Variants in RABL3 observed in about 807,000 individuals in gnomAD.
RABL3 encodes rab-like protein 3.
In RABL3, 31 loss-of-function variants were observed where a neutral mutation model predicts 31.8. That is an observed-to-expected ratio of 0.97 (90% CI 0.73 to 1.31). RABL3 has a LOEUF of 1.31. Among genes scored for constraint, RABL3 ranks in the 40% most tolerant of loss-of-function variants. The pLI is 0.00. For synonymous variants in RABL3, 97 were observed against 99.9 expected (o/e 0.97, Z 0.18); for missense variants, 263 against 279.6 (o/e 0.94, Z 0.42).
chr3:120,710,128 G>A (rs534090752), intron 2 of RABL3, among the ~76,000 whole-genome samples: 10 of 151,770 alleles, frequency 6.6e-5, no homozygotes, highest in South Asian at 2.1e-4. Context: ...TTCCACTTCC[G>A]AAGCCTCACC....
rs146987712 is a variant in RABL3, at chr3:120,742,480, G to T, written c.28C>A (p.Leu10Met). MASLDRVKVLVLGDSGVGKS... is the reference protein window; with the variant it reads MASLDRVKVMVLGDSGVGKS... ...CGCTCACCTGAGTCTCCCAACACCAGTACCTTCACCCGATCCAGGGACGCC... is the reference window on the plus strand; with the variant it reads ...CGCTCACCTGAGTCTCCCAACACCATTACCTTCACCCGATCCAGGGACGCC... The change falls in exon 1 of 8, where the codon CTG becomes ATG. Residue 10 changes from leucine to methionine, a missense_variant. Transcript: ENST00000273375. 1 of 1,614,174 alleles carries T rather than the reference G, an allele frequency of 6.2e-7. No individual in the cohort carries two copies.
chr3:120,719,940 G>C (rs1708717342), intron 2 of RABL3, among the ~76,000 whole-genome samples: 1 of 152,192 alleles, frequency 6.6e-6, no homozygotes, highest in Admixed American at 6.5e-5. Context: ...CCCCCCAGTA[G>C]GGGCAGACTG....
In RABL3 at chr3:120,730,715, C is replaced by T; in HGVS notation, c.119G>A (p.Gly40Asp). 2 of 1,613,104 alleles carry T rather than the reference C, an allele frequency of 1.2e-6. No individual in the cohort carries two copies. Among genetic ancestry groups the T allele is most frequent in the Non-Finnish European group, 8.5e-7 (1 of 1,179,240 alleles). Residue 40 changes from glycine (G) to aspartate (D), a missense_variant, in exon 2 of 8, where the codon GGC becomes GAC. Physicochemically the swap from Gly to Asp is moderately conservative, Grantham distance 94. Coordinates refer to ENST00000273375, the MANE Select transcript of RABL3 (RefSeq NM_173825.5). ...QVLGNPSWTV[G>D]CSVDVRVHDY... ...ACATACTCTGACATCCACTGAGCAG[C>T]CCACAGTCCATGATGGATTTCCCAG...
chr3:120,722,864 A>G (rs1216060481), intron 2 of RABL3, among the ~76,000 whole-genome samples: 3 of 152,148 alleles, frequency 2.0e-5, no homozygotes, highest in Non-Finnish European at 1.5e-5. Context: ...TAAAATTGAC[A>G]CCCTAACATC....
chr3:120,740,325 G>A (rs1709025920), intron 1 of RABL3, among the ~76,000 whole-genome samples: 1 of 152,056 alleles, frequency 6.6e-6, no homozygotes, highest in African/African-American at 2.4e-5. Context: ...GCAGTGGCAC[G>A]ATCCTAGCTC....
intron 2 of RABL3, among the ~76,000 whole-genome samples, chr3:120,720,194 T>A (rs1416754951): frequency 6.6e-6 from 1 of 152,082 alleles, no homozygotes; most frequent in South Asian, 2.1e-4. Flanking sequence ...TACATCACCA[T>A]CATCAAAGAC....
chr3:120,728,242 T>C (rs990907674), intron 2 of RABL3, among the ~76,000 whole-genome samples: 4 of 152,178 alleles, frequency 2.6e-5, no homozygotes, highest in African/African-American at 9.7e-5. Context: ...GACTAGACCA[T>C]AACTTCCCAT....
intron 4 of RABL3, among the ~76,000 whole-genome samples, chr3:120,700,544 C>T (rs1030794092): frequency 6.6e-6 from 1 of 151,882 alleles, no homozygotes; most frequent in African/African-American, 2.4e-5. Context: ...TATTTAGATA[C>T]TATTTCGAAA....
intron 2 of RABL3, among the ~76,000 whole-genome samples, chr3:120,726,050 C>T (rs929599252): frequency 4.6e-5 from 7 of 152,090 alleles, no homozygotes; most frequent in African/African-American, 1.2e-4. Context: ...AACTTGGGCT[C>T]GGGTGATCCT....
At chr3:120,726,421 T>A (rs1430476437) in intron 2 of RABL3, among the ~76,000 whole-genome samples, 1 of 152,040 alleles carries the variant, frequency 6.6e-6, no homozygotes, top group East Asian at 1.9e-4. Flanking sequence ...GCCTAGGAGT[T>A]GGAGACTAGG....
intron 2 of RABL3, among the ~76,000 whole-genome samples, chr3:120,717,038 A>G (rs1708678708): frequency 6.6e-6 from 1 of 152,164 alleles, no homozygotes; most frequent in African/African-American, 2.4e-5. Flanking sequence ...GGATCACCTG[A>G]GGTCAGGAGT....
At chr3:120,705,716 A>T (rs1236383433) in intron 4 of RABL3, among the ~76,000 whole-genome samples, 1 of 152,222 alleles carries the variant, frequency 6.6e-6, no homozygotes, top group African/African-American at 2.4e-5. Context: ...GTAAAACCAT[A>T]AAATCTGTAG....
At chr3:120,735,895 CTG>C (rs1357598493) in intron 1 of RABL3, among the ~76,000 whole-genome samples, 1 of 152,194 alleles carries the variant, frequency 6.6e-6, no homozygotes, top group Admixed American at 6.5e-5. Flanking sequence ...TTTGACAGCA[CTG>C]TGGTCTGAGA....
At chr3:120,693,269 T>C (rs1708400895) in intron 6 of RABL3, among the ~76,000 whole-genome samples, 1 of 152,086 alleles carries the variant, frequency 6.6e-6, no homozygotes, top group Admixed American at 6.5e-5. Context: ...CTAGTGCTGA[T>C]AAAAAGGCCA....
chr3:120,699,130 T>C (rs549494458), intron 4 of RABL3, among the ~76,000 whole-genome samples: 1 of 152,032 alleles, frequency 6.6e-6, no homozygotes, highest in Admixed American at 6.5e-5. Flanking sequence ...AAAATAGAAA[T>C]AGGGAAGCTG....
chr3:120,686,773 G>A lies in RABL3; in HGVS notation c.*3050C>T, dbSNP rs768731280. 8 of 152,190 alleles carry A rather than the reference G, an allele frequency of 5.3e-5. No homozygotes were observed. The highest frequency in any genetic ancestry group is 7.3e-5 in the Non-Finnish European group (5 of 68,030). The allele number at this position is 152,190 out of a possible 1,614,324, so 9.4% of individuals were successfully genotyped here. A position where few individuals can be genotyped will look rare whatever the true frequency, so the allele number is the denominator to read the frequency against. ...ACAAAAAAGAAATAGGAAAACTTGT[G>A]TATTTTTATGTACAGTCTTATGCAG... is the stretch of plus-strand genomic sequence containing the variant. On this transcript the variant is annotated 3_prime_UTR_variant, in exon 8 of 8. Coordinates refer to ENST00000273375, the MANE Select transcript of RABL3 (RefSeq NM_173825.5).
chr3:120,733,475 G>A (rs933520404), intron 1 of RABL3, among the ~76,000 whole-genome samples: 4 of 152,060 alleles, frequency 2.6e-5, no homozygotes, highest in African/African-American at 9.7e-5. Flanking sequence ...TGTCAGATGA[G>A]TAGATTGCAA....
chr3:120,740,440 T>C (rs1464414950), intron 1 of RABL3, among the ~76,000 whole-genome samples: 1 of 152,070 alleles, frequency 6.6e-6, no homozygotes, highest in African/African-American at 2.4e-5. Flanking sequence ...TTCTGTACTG[T>C]TTTTGGTAGA....
intron 6 of RABL3, among the ~76,000 whole-genome samples, chr3:120,691,801 C>T (rs1470135823): frequency 6.6e-6 from 1 of 152,138 alleles, no homozygotes; most frequent in East Asian, 1.9e-4. Flanking sequence ...CTAAGAGTTC[C>T]TCTGAATGAG....
Sources: gnomAD v4.1 joint callset for allele counts (sites outside exome capture counted in the v4.1 genomes callset) on GRCh38, gnomAD v4.1.1 for gene constraint, MANE v1.5 for transcripts, NCBI Gene and HGNC (gene_info 2026-07-23, HGNC 2026-07-21) for gene names.